CLCNKB: variants seen among roughly 807,000 people sequenced by gnomAD.
CLCNKB encodes chloride channel protein ClC-Kb.
In CLCNKB, 74 loss-of-function variants were observed where a neutral mutation model predicts 83.8. The ratio of observed to expected loss-of-function variants is 0.88; its 90% CI spans 0.73 to 1.07. CLCNKB has a LOEUF of 1.07. Among genes scored for constraint, CLCNKB ranks in the 50% least tolerant of loss-of-function variants. The pLI is 0.00. For missense variants in CLCNKB, 798 were observed against 893.6 expected (o/e 0.89, Z 1.36); for synonymous variants, 358 against 356.6 (o/e 1.00, Z -0.04).
In CLCNKB at chr1:16,044,555, G is replaced by T; in HGVS notation, c.63G>T (p.Leu21=). ...SSGNPVTLQE[L]WGPCPRIRRG... ...GGAACCCTGTGACTCTGCAGGAGCT[G>T]TGGGGCCCCTGTCCCCGCATCCGCC... Residue 21 remains leucine (L), a synonymous_variant, in exon 2 of 20, where the codon CTG becomes CTT. Transcript: ENST00000375679. The T allele has an allele frequency of 6.2e-7, 1 of 1,606,562 alleles. No homozygotes were observed. Among genetic ancestry groups the T allele is most frequent in the Non-Finnish European group, 8.5e-7 (1 of 1,177,318 alleles).
At position 16,048,324 on chromosome 1, in the gene CLCNKB, C is replaced by T; in HGVS notation, c.499-19C>T. The stretch of plus-strand genomic sequence containing the variant: ...CTGCTGCCCTCACCTGGGCCCTGGG[C>T]CCACCCTTCTCTCTGCAGGGCCCTT... On this transcript the variant is annotated intron_variant, in intron 5 of 19. Coordinates refer to ENST00000375679, the MANE Select transcript of CLCNKB (RefSeq NM_000085.5). 1 of 1,613,770 alleles carries T rather than the reference C, an allele frequency of 6.2e-7. No homozygotes were observed. The highest frequency in any genetic ancestry group is 8.5e-7 in the Non-Finnish European group (1 of 1,179,910).
chr1:16,046,905 C>T (rs1353041616), intron 4 of CLCNKB, among the ~76,000 whole-genome samples: 2 of 152,158 alleles, frequency 1.3e-5, no homozygotes, highest in African/African-American at 4.8e-5. Context: ...TCTGCGAAGC[C>T]TGTTCCAGTG....
At position 16,055,419 on chromosome 1, in the gene CLCNKB, T is replaced by C; in HGVS notation, c.1757-16T>C. On this transcript the variant is annotated splice_polypyrimidine_tract_variant and intron_variant, in intron 16 of 19. Transcript: ENST00000375679. ...CTCCTAATGTGCCTCCCTCTGGCTGTCTCTCCACTTGCCAGAGTCCCAGAT... is the reference window on the plus strand; with the variant it reads ...CTCCTAATGTGCCTCCCTCTGGCTGCCTCTCCACTTGCCAGAGTCCCAGAT... 6.2e-7 allele frequency: 1 copy of C among 1,608,632 alleles called. No individual in the cohort carries two copies. The highest frequency in any genetic ancestry group is 8.5e-7 in the Non-Finnish European group (1 of 1,175,412).
chr1:16,046,554 G>A lies in CLCNKB; in HGVS notation c.249G>A (p.Arg83=). The stretch of plus-strand genomic sequence containing the variant: ...CCCCAGCGCACCAGTGGCTGTACAG[G>A]GAGATTGGGGACAGCCACCTGCTCC... The part of the protein sequence containing the change: ...SVVRAHQWLY[R]EIGDSHLLRY... The change falls in exon 4 of 20, where the codon AGG becomes AGA. Residue 83 remains arginine (R), a synonymous_variant. Coordinates refer to ENST00000375679, the MANE Select transcript of CLCNKB (RefSeq NM_000085.5). The A allele has an allele frequency of 5.6e-6, 9 of 1,614,056 alleles. No homozygotes were observed. Among genetic ancestry groups the A allele is most frequent in the Non-Finnish European group, 6.8e-6 (8 of 1,180,016 alleles).
chr1:16,045,646 C>A lies in CLCNKB; in HGVS notation c.189C>A (p.Val63=). The part of the protein sequence containing the change: ...LMTLGVLMAL[V]SCAMDLAVES... ...CCCTCGGGGTGCTCATGGCCCTGGT[C>A]AGCTGTGCCATGGACTTGGCTGTTG... The change falls in exon 3 of 20, where the codon GTC becomes GTA. Residue 63 remains valine, a synonymous_variant. Transcript: ENST00000375679. 7.4e-6 allele frequency: 12 copies of A among 1,614,050 alleles called. No homozygotes were observed. Among genetic ancestry groups the A allele is most frequent in the Non-Finnish European group, 9.3e-6 (11 of 1,179,944 alleles).
chr1:16,048,066 T>C (rs1553127507), intron 5 of CLCNKB, 22 bp downstream of exon 5: 4 of 1,608,544 alleles, frequency 2.5e-6, no homozygotes, highest in Non-Finnish European at 3.4e-6. Flanking sequence ...GGTGAGGGCA[T>C]CCCAACCACC....
chr1:16,045,550 T>A lies in CLCNKB; in HGVS notation c.101-8T>A. The A allele has an allele frequency of 6.2e-7, 1 of 1,613,266 alleles. No individual in the cohort carries two copies. Among genetic ancestry groups the A allele is most frequent in the Non-Finnish European group, 8.5e-7 (1 of 1,179,398 alleles). ...CACCCTGTGCCGTGACCCCATGCCCTGCCCCAGGTGGCCTGGAGTGGCTGA... is the reference window on the plus strand; with the variant it reads ...CACCCTGTGCCGTGACCCCATGCCCAGCCCCAGGTGGCCTGGAGTGGCTGA... On this transcript the variant is annotated splice_polypyrimidine_tract_variant and splice_region_variant and intron_variant, in intron 2 of 19. Coordinates refer to ENST00000375679, the MANE Select transcript of CLCNKB (RefSeq NM_000085.5).
chr1:16,049,276 C>T (rs200558156), intron 8 of CLCNKB, 31 bp downstream of exon 8: 30 of 1,611,606 alleles, frequency 1.9e-5, no homozygotes, highest in Admixed American at 5.0e-5. Flanking sequence ...GACCCTGGCC[C>T]TGCCTGGGGG....
rs144890638 is a variant in CLCNKB, at chr1:16,047,312, G to A, written c.359-593G>A. ...AGAAAAAAATCAGCTGGGCATGATTGCATGTGCCCGTGGTCCGAGCTACTC... is the reference window on the plus strand; with the variant it reads ...AGAAAAAAATCAGCTGGGCATGATTACATGTGCCCGTGGTCCGAGCTACTC... On this transcript the variant is annotated intron_variant, in intron 4 of 19. Coordinates refer to ENST00000375679, the MANE Select transcript of CLCNKB (RefSeq NM_000085.5). Among the ~76,000 whole-genome samples the A allele has an allele frequency of 6.5e-3, 988 of 152,202 alleles. 15 individuals are homozygous for A. The highest frequency in any genetic ancestry group is 0.023 in the African/African-American group (947 of 41,486).
In CLCNKB at chr1:16,048,917, C is replaced by T. The variant is rs569115410; in HGVS notation, c.656-203C>T. 164 of 1,455,216 alleles carry T rather than the reference C, an allele frequency of 1.1e-4. No homozygotes were observed. The African/African-American group carries it at 1.5e-3, about 14-fold the overall frequency. The allele number at this position is 1,455,216 out of a possible 1,614,324, so 90.1% of individuals were successfully genotyped here. A position where few individuals can be genotyped will look rare whatever the true frequency, so the allele number is the denominator to read the frequency against. ...ACCCGATAGCGAGAGGGCGCACACC[C>T]GCATTCCAGGCTGGACGGGTCTCTG... On this transcript the variant is annotated intron_variant, in intron 7 of 19. Coordinates refer to ENST00000375679, the MANE Select transcript of CLCNKB (RefSeq NM_000085.5).
chr1:16,045,691 C>T lies in CLCNKB; in HGVS notation c.229+5C>T. The T allele has an allele frequency of 6.2e-7, 1 of 1,612,716 alleles. No individual in the cohort carries two copies. The highest frequency in any genetic ancestry group is 1.1e-5 in the South Asian group (1 of 91,076). On this transcript the variant is annotated splice_donor_5th_base_variant and intron_variant, in intron 3 of 19. Coordinates refer to ENST00000375679, the MANE Select transcript of CLCNKB (RefSeq NM_000085.5). ...CTGTTGAGAGTGTGGTCCGAGGTAA[C>T]CCCTCCATGGCAGGTGCTGCTCTGG...
chr1:16,050,659 C>T (rs1339185431), intron 11 of CLCNKB, 59 bp downstream of exon 11: 26 of 1,557,472 alleles, frequency 1.7e-5, no homozygotes, highest in Non-Finnish European at 2.2e-5. Context: ...GCCTCCTTTG[C>T]GTGTATCTCA....
At chr1:16,055,367 T>C in intron 16 of CLCNKB, 68 bp from the exon 17 acceptor site, 1 of 1,241,594 alleles carries the variant, frequency 8.1e-7, no homozygotes, top group Admixed American at 1.7e-5. Context: ...GCTAAGTAGG[T>C]GCTAAGTAAA....
chr1:16,047,351 G>A (rs1570330879), intron 4 of CLCNKB, among the ~76,000 whole-genome samples: 1 of 152,064 alleles, frequency 6.6e-6, no homozygotes, highest in Non-Finnish European at 1.5e-5. Flanking sequence ...AGGCTGAGGC[G>A]GGAGGACTGC....
At chr1:16,048,743 A>AG (rs552719787) in intron 7 of CLCNKB, 161 bp downstream of exon 7, 158 of 1,461,376 alleles carry the variant, frequency 1.1e-4, no homozygotes, top group Admixed American at 2.1e-4. Context: ...CACCGGGGGG[A>AG]GGGGGGGCGG....
At chr1:16,044,383 A>ACACATGC in intron 1 of CLCNKB, 103 bp from the exon 2 acceptor site, 2 of 851,892 alleles carry the variant, frequency 2.3e-6, no homozygotes, top group African/African-American at 1.7e-5. Context: ...ACACACGCAC[A>ACACATGC]ATCTTTCCTC....
chr1:16,050,628 A>G (rs1376244201), intron 11 of CLCNKB, 28 bp downstream of exon 11: 6 of 1,607,724 alleles, frequency 3.7e-6, no homozygotes, highest in Non-Finnish European at 5.1e-6. Flanking sequence ...GGGTGGCAGG[A>G]GTGGGGAAGC....
In CLCNKB at chr1:16,053,454, T is replaced by C. The variant is rs1215231186; in HGVS notation, c.1623-185T>C. On this transcript the variant is annotated intron_variant, in intron 15 of 19. Coordinates refer to ENST00000375679, the MANE Select transcript of CLCNKB (RefSeq NM_000085.5). ...GAATTCGCAACTGGGTCATCGGCGATGTGGTCCCCAGGTTTCCTCTCACCG... is the reference window on the plus strand; with the variant it reads ...GAATTCGCAACTGGGTCATCGGCGACGTGGTCCCCAGGTTTCCTCTCACCG... Among the ~76,000 whole-genome samples, 4 of 152,280 alleles carry C rather than the reference T, an allele frequency of 2.6e-5. No individual in the cohort carries two copies. The East Asian group carries it at 5.8e-4, about 22-fold the overall frequency.
intron 10 of CLCNKB, among the ~76,000 whole-genome samples, chr1:16,050,207 T>G (rs2023243910): frequency 1.4e-5 from 2 of 146,838 alleles, no homozygotes; most frequent in Non-Finnish European, 1.5e-5. Context: ...CTCTCTCCCT[T>G]TAAACCATGT....
Sources: gnomAD v4.1 joint callset for allele counts (sites outside exome capture counted in the v4.1 genomes callset) on GRCh38, gnomAD v4.1.1 for gene constraint, MANE v1.5 for transcripts, NCBI Gene and HGNC (gene_info 2026-07-23, HGNC 2026-07-21) for gene names.